PARP9: variants seen among roughly 807,000 people sequenced by gnomAD.
PARP9 encodes the protein poly(ADP-ribose) polymerase family member 9, also known as protein mono-ADP-ribosyltransferase PARP9.
In PARP9, 48 loss-of-function variants were observed where a neutral mutation model predicts 68.8. That is an observed-to-expected ratio of 0.70 (90% CI 0.55 to 0.89). The LOEUF (loss-of-function observed/expected upper bound fraction) is 0.89, where lower values mean the gene tolerates loss of function less well. PARP9 is among the 40% of genes least tolerant of loss of function. The pLI is 0.00. For missense variants in PARP9, 806 were observed against 969.3 expected, an observed-to-expected ratio of 0.83 and a Z score of 2.24; for synonymous variants, 309 against 333.8, an observed-to-expected ratio of 0.93 and a Z score of 0.81.
At chr3:122,559,772 A>G in intron 1 of PARP9, 63 bp from the exon 2 acceptor site, 1 of 642,112 alleles carries the variant, frequency 1.6e-6, no homozygotes. Flanking sequence ...TTCGGTAAGA[A>G]TATACTGTAG....
At chr3:122,535,372 A>G (rs1319338813) in intron 10 of PARP9, 1 of 985,260 alleles carries the variant, frequency 1.0e-6, no homozygotes, top group East Asian at 1.1e-4. Context: ...CATCCTAGAA[A>G]CCAAGTCTAT....
At chr3:122,550,929 T>A (rs2079149974) in intron 5 of PARP9, 127 bp from the exon 6 acceptor site, 1 of 791,440 alleles carries the variant, frequency 1.3e-6, no homozygotes, top group Non-Finnish European at 2.0e-6. Context: ...CCCTGCCTCC[T>A]CAGATGACAG....
chr3:122,559,925 G>A (rs2080043009), intron 1 of PARP9, among the ~76,000 whole-genome samples: 1 of 152,218 alleles, frequency 6.6e-6, no homozygotes, highest in South Asian at 2.1e-4. Context: ...GCAGTTCAGA[G>A]AAGGGAAAAT....
chr3:122,553,225 C>T (rs2079363673), intron 4 of PARP9, among the ~76,000 whole-genome samples: 1 of 152,088 alleles, frequency 6.6e-6, no homozygotes, highest in African/African-American at 2.4e-5. Context: ...TTATGTGCAA[C>T]CAAGTTCTTC....
chr3:122,540,249 A>G (rs961694552), intron 8 of PARP9, among the ~76,000 whole-genome samples: 11 of 152,206 alleles, frequency 7.2e-5, no homozygotes, highest in Non-Finnish European at 1.5e-4. Context: ...AGGTTATTAC[A>G]AGTAAATAAA....
Position 122,555,290 on chromosome 3 carries a change from T to A in PARP9, c.881A>T (p.Gln294Leu). Residue 294 changes from glutamine (Q) to leucine (L), a missense_variant, in exon 4 of 11, where the codon CAG becomes CTG. Around this residue, in one of 2 missense-constraint regions of PARP9, gnomAD observed 680 missense variants for 858.8 expected, o/e 0.79. Coordinates refer to ENST00000682323, the MANE Select transcript of PARP9 (RefSeq NM_001146105.2). ...LQIVQGHIEW[Q>L]TADVIVNSVN... is the part of the protein sequence containing the mutation. ...AGAATAGAAACAAAGACTTACCGTC[T>A]GCCATTCAATGTGGCCCTGGACAAT... 6.2e-7 allele frequency: 1 copy of A among 1,604,788 alleles called. No homozygotes were observed. Among genetic ancestry groups the A allele is most frequent in the Non-Finnish European group, 8.5e-7 (1 of 1,175,502 alleles).
At chr3:122,559,219 T>G (rs1420514930) in intron 2 of PARP9, among the ~76,000 whole-genome samples, 1 of 152,270 alleles carries the variant, frequency 6.6e-6, no homozygotes, top group Non-Finnish European at 1.5e-5. Flanking sequence ...GATCCACTTT[T>G]AATTGCCTTT....
At chr3:122,557,350 G>A (rs557006407) in intron 3 of PARP9, among the ~76,000 whole-genome samples, 2 of 152,326 alleles carry the variant, frequency 1.3e-5, no homozygotes, top group African/African-American at 4.8e-5. Flanking sequence ...CTTCAGTTCA[G>A]TAAATAATTC....
intron 2 of PARP9, 26 bp from the exon 3 acceptor site, chr3:122,558,493 T>C (rs761671885): frequency 6.2e-7 from 1 of 1,612,446 alleles, no homozygotes; most frequent in South Asian, 1.1e-5. Flanking sequence ...ATGGCTTTCT[T>C]AAAAAATGGA....
intron 6 of PARP9, among the ~76,000 whole-genome samples, chr3:122,549,604 G>C (rs2079030521): frequency 6.6e-6 from 1 of 151,904 alleles, no homozygotes; most frequent in South Asian, 2.1e-4. Context: ...AACATAGTAA[G>C]ACTGCTTTTC....
chr3:122,552,893 T>C (rs2079327586), intron 4 of PARP9, among the ~76,000 whole-genome samples: 1 of 152,202 alleles, frequency 6.6e-6, no homozygotes, highest in Non-Finnish European at 1.5e-5. Context: ...CAAACATCTG[T>C]TTGCCCCTTG....
intron 10 of PARP9, among the ~76,000 whole-genome samples, chr3:122,529,847 T>A (rs1376986562): frequency 6.6e-6 from 1 of 150,824 alleles, no homozygotes; most frequent in Admixed American, 6.6e-5. Flanking sequence ...GAAAATAGCA[T>A]CTAATAAGAG....
chr3:122,546,968 CTATA>C (rs57337681), intron 6 of PARP9, among the ~76,000 whole-genome samples: 3,999 of 69,290 alleles, frequency 0.058, 120 homozygotes, highest in African/African-American at 0.074. Context: ...ATACATGGCA[CTATA>C]TATATATATA....
intron 6 of PARP9, 179 bp from the exon 7 acceptor site, chr3:122,545,668 G>A: frequency 1.7e-6 from 1 of 593,664 alleles, no homozygotes; most frequent in East Asian, 2.8e-5. Flanking sequence ...CAGTCTATTA[G>A]AACACGGAAA....
At chr3:122,539,330 T>C (rs985447374) in intron 8 of PARP9, among the ~76,000 whole-genome samples, 3 of 152,196 alleles carry the variant, frequency 2.0e-5, no homozygotes, top group African/African-American at 7.2e-5. Context: ...CTCTCCTCTA[T>C]CATCACTAAT....
At chr3:122,554,220 TC>T (rs1490010729) in intron 4 of PARP9, among the ~76,000 whole-genome samples, 1 of 151,838 alleles carries the variant, frequency 6.6e-6, no homozygotes, top group Admixed American at 6.6e-5. Context: ...CCAGAAAGCT[TC>T]CCCTCCTGCC....
At chr3:122,550,167 C>T (rs1279393769) in intron 6 of PARP9, among the ~76,000 whole-genome samples, 1 of 152,168 alleles carries the variant, frequency 6.6e-6, no homozygotes, top group Non-Finnish European at 1.5e-5. Flanking sequence ...ACAATCTCCG[C>T]CTCCCAGGTT....
At chr3:122,535,843 CAAAA>C (rs10716375) in intron 10 of PARP9, 3,067 of 970,704 alleles carry the variant, frequency 3.2e-3, no homozygotes, top group East Asian at 0.013. Flanking sequence ...ATAAGTAAGG[CAAAA>C]AAAAAAAAAA....
At chr3:122,542,401 A>C (rs1293882074) in intron 7 of PARP9, among the ~76,000 whole-genome samples, 5 of 150,074 alleles carry the variant, frequency 3.3e-5, no homozygotes, top group South Asian at 2.1e-4. Flanking sequence ...TAATCATAAT[A>C]ATAATAATAC....
Sources: gnomAD v4.1 joint callset for allele counts (sites outside exome capture counted in the v4.1 genomes callset) on GRCh38, gnomAD v4.1.1 for gene constraint, gnomAD v4.1.1 regional missense constraint, MANE v1.5 for transcripts, NCBI Gene and HGNC (gene_info 2026-07-23, HGNC 2026-07-21) for gene names.